ZFHX3: variants seen among roughly 807,000 people sequenced by gnomAD.
ZFHX3 encodes the protein zinc finger homeobox protein 3.
Under a neutral mutation model 279.1 loss-of-function variants are expected in ZFHX3, and 42 were observed. The ratio of observed to expected loss-of-function variants is 0.15; its 90% CI spans 0.12 to 0.19. The LOEUF is 0.19. Among genes scored for constraint, ZFHX3 ranks in the 10% least tolerant of loss-of-function variants. The probability of loss-of-function intolerance (pLI) is 1.00; values close to 1 mark genes in which losing one functional copy is unlikely to be tolerated. For missense variants in ZFHX3, 4,981 were observed against 4,754.0 expected (o/e 1.05, Z -1.40); for synonymous variants, 2,293 against 1,957.8 (o/e 1.17, Z -4.52).
intron 1 of ZFHX3, among the ~76,000 whole-genome samples, chr16:73,762,139 A>G (rs2053874935): frequency 6.6e-6 from 1 of 151,984 alleles, no homozygotes; most frequent in African/African-American, 2.4e-5. Context: ...TTTACAAGAA[A>G]AAAAAAAACA....
chr16:73,102,851 A>G (rs1966248887), intron 7 of ZFHX3, among the ~76,000 whole-genome samples: 1 of 152,224 alleles, frequency 6.6e-6, no homozygotes, highest in Non-Finnish European at 1.5e-5. Context: ...TAAGTACTTA[A>G]CGTGGTTCCT....
chr16:73,622,845 C>T (rs1248404697), intron 2 of ZFHX3, among the ~76,000 whole-genome samples: 1 of 152,164 alleles, frequency 6.6e-6, no homozygotes, highest in Non-Finnish European at 1.5e-5. Flanking sequence ...TAAAATAAAC[C>T]GGAGAAATGT....
chr16:73,049,716 G>T (rs1965414572), upstream of ZFHX3, among the ~76,000 whole-genome samples: 1 of 152,168 alleles, frequency 6.6e-6, no homozygotes, highest in Non-Finnish European at 1.5e-5. Context: ...CGGGGGCCGG[G>T]TGGGGGGAGT....
intron 4 of ZFHX3, among the ~76,000 whole-genome samples, chr16:72,858,316 G>A (rs1778255524): frequency 6.6e-6 from 1 of 152,208 alleles, no homozygotes; most frequent in African/African-American, 2.4e-5. Context: ...AAACCTTTAA[G>A]GGTAATTCAA....
intron 4 of ZFHX3, among the ~76,000 whole-genome samples, chr16:73,259,347 C>T (rs1597248669): frequency 6.6e-6 from 1 of 152,168 alleles, no homozygotes; most frequent in South Asian, 2.1e-4. Context: ...TGCCAACGTT[C>T]GGTATTTTCA....
chr16:73,363,609 T>C (rs1049271152), intron 3 of ZFHX3, among the ~76,000 whole-genome samples: 1 of 151,896 alleles, frequency 6.6e-6, no homozygotes, highest in Non-Finnish European at 1.5e-5. Flanking sequence ...ATAAATAAAA[T>C]AGAAAGGAAA....
At chr16:73,855,932 T>C (rs142003650) in intron 1 of ZFHX3, among the ~76,000 whole-genome samples, 1 of 152,180 alleles carries the variant, frequency 6.6e-6, no homozygotes, top group South Asian at 2.1e-4. Context: ...GCATTATTTA[T>C]AATACCAGAA....
At chr16:72,864,467 G>A (rs1206237123) in intron 4 of ZFHX3, among the ~76,000 whole-genome samples, 2 of 151,894 alleles carry the variant, frequency 1.3e-5, no homozygotes, top group Non-Finnish European at 2.9e-5. Flanking sequence ...TTGAGGGGGC[G>A]TTCATCCCCC....
intron 2 of ZFHX3, among the ~76,000 whole-genome samples, chr16:73,672,304 T>A (rs1359771645): frequency 6.6e-6 from 1 of 152,130 alleles, no homozygotes; most frequent in East Asian, 1.9e-4. Context: ...AACCAAAATA[T>A]ATCACCAATA....
At position 73,624,180 on chromosome 16, in the gene ZFHX3, A is replaced by T. The variant is rs187124684; in HGVS notation, c.-1547+56000T>A. Among the ~76,000 whole-genome samples the T allele has an allele frequency of 3.0e-4, 45 of 152,358 alleles. No individual in the cohort carries two copies. The East Asian group carries it at 8.3e-3, about 28-fold the overall frequency. On this transcript the variant is annotated intron_variant, in intron 2 of 17. Coordinates refer to the ZFHX3 transcript ENST00000641206. ...CTTAAACATTATTATCAATTACATTACATGGTGCCAGAAAATTTTAAAATA... is the reference window on the plus strand; with the variant it reads ...CTTAAACATTATTATCAATTACATTTCATGGTGCCAGAAAATTTTAAAATA...
chr16:73,725,931 T>C (rs1290398141), intron 1 of ZFHX3, among the ~76,000 whole-genome samples: 1 of 152,178 alleles, frequency 6.6e-6, no homozygotes, highest in African/African-American at 2.4e-5. Flanking sequence ...TTGGAGAATA[T>C]TAAACCATTT....
At chr16:73,777,013 C>G (rs778042127) in intron 1 of ZFHX3, among the ~76,000 whole-genome samples, 1 of 152,244 alleles carries the variant, frequency 6.6e-6, no homozygotes, top group African/African-American at 2.4e-5. Flanking sequence ...TCTTCATCTT[C>G]TCCCATGAAC....
intron 3 of ZFHX3, among the ~76,000 whole-genome samples, chr16:73,364,191 A>C (rs892453885): frequency 1.3e-5 from 2 of 150,734 alleles, no homozygotes; most frequent in South Asian, 2.1e-4. Context: ...AAAAAAAAGA[A>C]CTTTAAGTAG....
chr16:73,231,742 G>A (rs754755913), intron 5 of ZFHX3, among the ~76,000 whole-genome samples: 3 of 152,112 alleles, frequency 2.0e-5, no homozygotes, highest in Non-Finnish European at 1.5e-5. Flanking sequence ...GTGCCCTTCA[G>A]TTCTCGTTAA....
At chr16:73,736,877 G>A (rs745354225) in intron 1 of ZFHX3, among the ~76,000 whole-genome samples, 2 of 152,200 alleles carry the variant, frequency 1.3e-5, no homozygotes, top group Non-Finnish European at 2.9e-5. Context: ...GGAATTTCAA[G>A]AGATCACTGT....
chr16:72,993,042 A>T (rs989259618), intron 1 of ZFHX3, among the ~76,000 whole-genome samples: 18 of 152,252 alleles, frequency 1.2e-4, no homozygotes, highest in Non-Finnish European at 1.9e-4. Flanking sequence ...AGGCTGAGGC[A>T]GGAGAATCGC....
At chr16:73,286,892 G>GT (rs2014619407) in intron 4 of ZFHX3, among the ~76,000 whole-genome samples, 1 of 149,594 alleles carries the variant, frequency 6.7e-6, no homozygotes, top group Admixed American at 6.7e-5. Context: ...GTGTGTGGCT[G>GT]TGTAGGTGTG....
chr16:73,141,637 A>C lies in ZFHX3; in HGVS notation c.-1024+2115T>G, dbSNP rs577953061. ...GGTCTCAAACTCCTGGGCTCAAGCGATCCTCCTGCCTCTGCCTCCCAAAGC... is the reference window on the plus strand; with the variant it reads ...GGTCTCAAACTCCTGGGCTCAAGCGCTCCTCCTGCCTCTGCCTCCCAAAGC... On this transcript the variant is annotated intron_variant, in intron 6 of 17. Coordinates refer to the ZFHX3 transcript ENST00000641206. 8.5e-5 allele frequency among the ~76,000 whole-genome samples: 13 copies of C among 152,194 alleles called. No homozygotes were observed. The South Asian group carries it at 2.5e-3, about 29-fold the overall frequency.
intron 2 of ZFHX3, among the ~76,000 whole-genome samples, chr16:73,523,627 T>TG (rs981283962): frequency 2.6e-5 from 4 of 151,612 alleles, no homozygotes; most frequent in African/African-American, 9.7e-5. Context: ...CTGGGTTTTT[T>TG]TTTTTTTTTT....
Sources: gnomAD v4.1 joint callset for allele counts (sites outside exome capture counted in the v4.1 genomes callset) on GRCh38, gnomAD v4.1.1 for gene constraint, MANE v1.5 for transcripts, NCBI Gene and HGNC (gene_info 2026-07-23, HGNC 2026-07-21) for gene names.